Variants in RIMS3 observed in about 807,000 individuals in gnomAD.
The protein encoded by RIMS3 is regulating synaptic membrane exocytosis 3, also known as regulating synaptic membrane exocytosis protein 3.
RIMS3 carries 15 observed loss-of-function variants against 29.2 expected under a neutral mutation model. The ratio of observed to expected loss-of-function variants is 0.51; its 90% CI spans 0.34 to 0.79. The LOEUF (loss-of-function observed/expected upper bound fraction) is 0.79, where lower values mean the gene tolerates loss of function less well. RIMS3 is among the 30% of genes least tolerant of loss of function. RIMS3 has a pLI of 0.01. For missense variants in RIMS3, 342 were observed against 421.4 expected, an observed-to-expected ratio of 0.81 and a Z score of 1.65; for synonymous variants, 161 against 170.1, an observed-to-expected ratio of 0.95 and a Z score of 0.41.
In RIMS3 at chr1:40,623,083, G is replaced by A. The variant is rs889163536; in HGVS notation, c.*3434C>T. 2.4e-5 allele frequency: 6 copies of A among 248,568 alleles called. No homozygotes were observed. Among genetic ancestry groups the A allele is most frequent in the Non-Finnish European group, 3.8e-5 (5 of 131,436 alleles). The allele number at this position is 248,568 out of a possible 1,614,324, so 15.4% of individuals were successfully genotyped here. ...CTGGCTTGACCTCAGTGTTCTAACC[G>A]GCAGTGATTCCACAGAGGATGAGCT... On this transcript the variant is annotated 3_prime_UTR_variant, in exon 8 of 8. Coordinates refer to ENST00000372684, the MANE Select transcript of RIMS3 (RefSeq NM_014747.3).
At position 40,626,250 on chromosome 1, in the gene RIMS3, G is replaced by C. The variant is rs982721182; in HGVS notation, c.*267C>G. On this transcript the variant is annotated 3_prime_UTR_variant, in exon 8 of 8. Coordinates refer to ENST00000372684, the MANE Select transcript of RIMS3 (RefSeq NM_014747.3). ...TCTTTTCAACAAGACACAAAGAGAC[G>C]TGGAGACATTTCAGCCCATATCATC... The C allele has an allele frequency of 2.4e-5, 13 of 532,302 alleles. No individual in the cohort carries two copies. The Admixed American group carries it at 4.1e-4, about 17-fold the overall frequency. 33.0% of individuals were successfully genotyped at this position (532,302 alleles called of 1,614,324 possible). A position where few individuals can be genotyped will look rare whatever the true frequency, so the allele number is the denominator to read the frequency against.
At chr1:40,668,025 G>A (rs896155127), upstream of RIMS3, among the ~76,000 whole-genome samples, 2 of 152,150 alleles carry the variant, frequency 1.3e-5, no homozygotes, top group Non-Finnish European at 2.9e-5. Flanking sequence ...GGCCGAGGCA[G>A]GCGGATCACA....
chr1:40,629,230 A>C (rs1646473325), intron 6 of RIMS3, 41 bp downstream of exon 6: 1 of 1,534,980 alleles, frequency 6.5e-7, no homozygotes, highest in East Asian at 2.2e-5. Flanking sequence ...GCTCGGCTCT[A>C]TGCCCCTCCC....
At chr1:40,661,023 C>T (rs1384723810) in intron 1 of RIMS3, among the ~76,000 whole-genome samples, 2 of 152,144 alleles carry the variant, frequency 1.3e-5, no homozygotes, top group Non-Finnish European at 2.9e-5. Context: ...TCCTCTTGGG[C>T]AAACTCCAAG....
In RIMS3 at chr1:40,665,472, C is replaced by A. The variant is rs1240435026; in HGVS notation, c.-285G>T. 6.6e-6 allele frequency: 1 copy of A among 152,206 alleles called. No individual in the cohort carries two copies. Among genetic ancestry groups the A allele is most frequent in the Non-Finnish European group, 1.5e-5 (1 of 68,062 alleles). The allele number at this position is 152,206 out of a possible 1,614,324, so 9.4% of individuals were successfully genotyped here. A position where few individuals can be genotyped will look rare whatever the true frequency, so the allele number is the denominator to read the frequency against. On this transcript the variant is annotated 5_prime_UTR_variant, in exon 1 of 8. Coordinates refer to ENST00000372684, the MANE Select transcript of RIMS3 (RefSeq NM_014747.3). ...GCTCCGCAAGGCGGGGCAGGTGCTG[C>A]CCCGGGACCCCGCCCCGCGAACCCG... is the stretch of plus-strand genomic sequence containing the variant.
At chr1:40,670,512 A>G (rs1642478063), upstream of RIMS3, among the ~76,000 whole-genome samples, 1 of 148,274 alleles carries the variant, frequency 6.7e-6, no homozygotes, top group Admixed American at 6.8e-5. Flanking sequence ...ATGAGTTAAT[A>G]TGTGTAAAGT....
rs1334806313 is a variant in RIMS3, at chr1:40,654,711, C to T, written c.-206-6869G>A. Among the ~76,000 whole-genome samples the T allele has an allele frequency of 6.6e-6, 1 of 152,124 alleles. No individual in the cohort carries two copies. Among genetic ancestry groups the T allele is most frequent in the Non-Finnish European group, 1.5e-5 (1 of 68,018 alleles). On this transcript the variant is annotated intron_variant, in intron 1 of 7. Coordinates refer to ENST00000372684, the MANE Select transcript of RIMS3 (RefSeq NM_014747.3). The surrounding 1 kb of genome is among the most constrained non-coding windows in gnomAD (Gnocchi z 5.3). The stretch of plus-strand genomic sequence containing the variant: ...AAACTCCCTCGCAGAGAACTGCAGA[C>T]ATATCGCATGAAGATACATTCACCA...
chr1:40,622,313 C>T lies in RIMS3; in HGVS notation c.*4204G>A, dbSNP rs1646425975. The T allele has an allele frequency of 6.6e-6, 1 of 152,650 alleles. No homozygotes were observed. Among genetic ancestry groups the T allele is most frequent in the Non-Finnish European group, 1.5e-5 (1 of 68,106 alleles). The allele number at this position is 152,650 out of a possible 1,614,324, so 9.5% of individuals were successfully genotyped here. A position where few individuals can be genotyped will look rare whatever the true frequency, so the allele number is the denominator to read the frequency against. On this transcript the variant is annotated 3_prime_UTR_variant, in exon 8 of 8. Transcript: ENST00000372684. Reference sequence around the variant, plus strand: ...GGCCAGTCCAGCCCCCATCAGGGCTCACCTGATTGTGTGGGCTTCCCCTGC... The same window carrying T: ...GGCCAGTCCAGCCCCCATCAGGGCTTACCTGATTGTGTGGGCTTCCCCTGC...
intron 2 of RIMS3, among the ~76,000 whole-genome samples, chr1:40,643,165 A>C (rs568795484): frequency 3.3e-5 from 5 of 151,662 alleles, no homozygotes; most frequent in African/African-American, 9.7e-5. Context: ...TTTGAGATGG[A>C]GCCTCACTCT....
chr1:40,668,528 G>T, upstream of RIMS3, among the ~76,000 whole-genome samples: 1 of 150,284 alleles, frequency 6.7e-6, no homozygotes, highest in East Asian at 2.0e-4. Context: ...TCAAATGGGT[G>T]GAATAACCAG....
At chr1:40,644,819 G>T (rs1309227807) in intron 2 of RIMS3, among the ~76,000 whole-genome samples, 1 of 152,228 alleles carries the variant, frequency 6.6e-6, no homozygotes, top group Non-Finnish European at 1.5e-5. Flanking sequence ...CCATGCCAGG[G>T]TTCAGGGCAC....
At chr1:40,681,268 G>A in the RIMS3 span, among the ~76,000 whole-genome samples, 1 of 152,208 alleles carries the variant, frequency 6.6e-6, no homozygotes, top group Non-Finnish European at 1.5e-5. Flanking sequence ...GGTGAGCTCA[G>A]TAGAAGGGAT....
At chr1:40,626,755 G>A (rs2148342406) in intron 7 of RIMS3, 26 bp from the exon 8 acceptor site, 1 of 1,607,054 alleles carries the variant, frequency 6.2e-7, no homozygotes, top group South Asian at 1.1e-5. Flanking sequence ...GAGGGAGGGA[G>A]TGAGCCACCT....
At chr1:40,661,702 A>G (rs1042687831) in intron 1 of RIMS3, among the ~76,000 whole-genome samples, 3 of 152,342 alleles carry the variant, frequency 2.0e-5, no homozygotes, top group East Asian at 3.9e-4. Context: ...GTTTTCCTAG[A>G]GATATCATCA....
At chr1:40,691,665 C>A in the RIMS3 span, 1 of 446,426 alleles carries the variant, frequency 2.2e-6, no homozygotes, top group Non-Finnish European at 4.5e-6. Flanking sequence ...ACTGGGAGTC[C>A]AGGCGCCAAG....
At chr1:40,629,894 G>A (rs959710031) in intron 5 of RIMS3, among the ~76,000 whole-genome samples, 2 of 151,930 alleles carry the variant, frequency 1.3e-5, no homozygotes, top group South Asian at 4.2e-4. Flanking sequence ...GGCTAACATG[G>A]TGAAACCCCA....
At position 40,635,836 on chromosome 1, in the gene RIMS3, G is replaced by T; in HGVS notation, c.359+80C>A. Reference sequence around the variant, plus strand: ...TTTTAGCTGGAAACAAAACAGGGAGGCTTTCCCACCCTGCCCAGTGGCTCT... The same window carrying T: ...TTTTAGCTGGAAACAAAACAGGGAGTCTTTCCCACCCTGCCCAGTGGCTCT... On this transcript the variant is annotated intron_variant, in intron 4 of 7. Transcript: ENST00000372684. The surrounding 1 kb of genome is among the most constrained non-coding windows in gnomAD (Gnocchi z 4.1). 1 of 1,558,990 alleles carries T rather than the reference G, an allele frequency of 6.4e-7. No individual in the cohort carries two copies. The highest frequency in any genetic ancestry group is 8.7e-7 in the Non-Finnish European group (1 of 1,146,790).
At chr1:40,691,918 CG>C in the RIMS3 span, 16 of 338,414 alleles carry the variant, frequency 4.7e-5, no homozygotes, top group Middle Eastern at 3.8e-4. Context: ...GAAGCGGCGG[CG>C]GGGGGAGGGG....
rs1031611093 is a variant in RIMS3 at position 40,620,883 on chromosome 1, T to C, written c.*5634A>G. 3 of 152,620 alleles carry C rather than the reference T, an allele frequency of 2.0e-5. No homozygotes were observed. Among genetic ancestry groups the C allele is most frequent in the African/African-American group, 7.2e-5 (3 of 41,422 alleles). 9.5% of individuals were successfully genotyped at this position (152,620 alleles called of 1,614,324 possible). ...ATAGAAAATGTATAGAGCACAGATA[T>C]AAAAGGCTAATTGCTTCTTATCTAA... On this transcript the variant is annotated 3_prime_UTR_variant, in exon 8 of 8. Coordinates refer to ENST00000372684, the MANE Select transcript of RIMS3 (RefSeq NM_014747.3).
Sources: allele counts gnomAD v4.1 joint callset (sites outside exome capture counted in the v4.1 genomes callset), GRCh38; gene constraint gnomAD v4.1.1; non-coding constraint Gnocchi (gnomAD v3.1); transcripts MANE v1.5; gene names NCBI Gene and HGNC (gene_info 2026-07-23, HGNC 2026-07-21).